DLEC1: variants seen among roughly 807,000 people sequenced by gnomAD.
DLEC1 encodes DLEC1 cilia and flagella associated protein.
DLEC1 carries 146 observed loss-of-function variants against 198.1 expected under a neutral mutation model. That is an observed-to-expected ratio of 0.74 (90% CI 0.64 to 0.85). The LOEUF is 0.85. Ranked by LOEUF, DLEC1 falls within the 40% of genes least tolerant of loss-of-function variation. DLEC1 has a pLI of 0.00. For missense variants in DLEC1, 2,233 were observed against 2,220.0 expected, an observed-to-expected ratio of 1.01 and a Z score of -0.12; for synonymous variants, 897 against 866.8, an observed-to-expected ratio of 1.03 and a Z score of -0.61.
At chr3:38,092,953 G>C in intron 11 of DLEC1, 73 bp downstream of exon 11, 2 of 1,367,982 alleles carry the variant, frequency 1.5e-6, no homozygotes, top group Non-Finnish European at 2.1e-6. Context: ...GACCACAGTA[G>C]CATTAGCGGC....
Position 38,122,795 on chromosome 3 carries a change from T to G in DLEC1, c.*383T>G. ...GCCTTAAGAATTAACCATGGCCTTGTGGCCTGGGTGACCCAGGCTGCTTTT... is the reference window on the plus strand; with the variant it reads ...GCCTTAAGAATTAACCATGGCCTTGGGGCCTGGGTGACCCAGGCTGCTTTT... On this transcript the variant is annotated 3_prime_UTR_variant, in exon 37 of 37. Transcript: ENST00000308059. 1.9e-6 allele frequency: 2 copies of G among 1,062,780 alleles called. No individual in the cohort carries two copies. Among genetic ancestry groups the G allele is most frequent in the Non-Finnish European group, 2.6e-6 (2 of 766,468 alleles). 65.8% of individuals were successfully genotyped at this position (1,062,780 alleles called of 1,614,324 possible).
chr3:38,054,729 A>C (rs557806688), intron 2 of DLEC1, among the ~76,000 whole-genome samples: 17 of 152,356 alleles, frequency 1.1e-4, no homozygotes, highest in African/African-American at 4.1e-4. Flanking sequence ...TAGTGAGAAC[A>C]TGCATGGTGG....
intron 2 of DLEC1, among the ~76,000 whole-genome samples, chr3:38,052,862 G>A (rs918299457): frequency 2.0e-5 from 3 of 151,892 alleles, no homozygotes; most frequent in African/African-American, 4.8e-5. Context: ...CTGTACTGCC[G>A]CCATCTCGGC....
intron 22 of DLEC1, chr3:38,109,894 C>T (rs187599129): frequency 6.0e-5 from 42 of 701,466 alleles, no homozygotes; most frequent in African/African-American, 5.9e-4. Flanking sequence ...TGGCCAGGGA[C>T]GGTTTGTGCA....
chr3:38,050,229 C>T (rs1445256830), intron 2 of DLEC1, among the ~76,000 whole-genome samples: 4 of 152,008 alleles, frequency 2.6e-5, no homozygotes, highest in Non-Finnish European at 5.9e-5. Context: ...CCACCACACC[C>T]GGCTAGTTTT....
intron 6 of DLEC1, among the ~76,000 whole-genome samples, chr3:38,080,112 T>C (rs1432551505): frequency 1.3e-5 from 2 of 152,234 alleles, no homozygotes; most frequent in African/African-American, 4.8e-5. Context: ...AAATGCTGTC[T>C]GATTTGGGAT....
At position 38,084,141 on chromosome 3, in the gene DLEC1, A is replaced by T; in HGVS notation, c.1174-17A>T. ...TAAGTGTTGCTGTCTAAAAGAGATC[A>T]TCTTACCTTTCAACAGATGGTAATT... On this transcript the variant is annotated splice_polypyrimidine_tract_variant and intron_variant, in intron 6 of 36. Transcript: ENST00000308059. 3.1e-6 allele frequency: 5 copies of T among 1,611,406 alleles called. No individual in the cohort carries two copies. The highest frequency in any genetic ancestry group is 4.2e-6 in the Non-Finnish European group (5 of 1,177,988).
rs145773322 is a variant in DLEC1 at position 38,063,706 on chromosome 3, C to G, written c.1095-135C>G. 222 of 615,762 alleles carry G rather than the reference C, an allele frequency of 3.6e-4. 1 individual carries two copies. The African/African-American group carries it at 3.6e-3, about 10-fold the overall frequency. 38.1% of individuals were successfully genotyped at this position (615,762 alleles called of 1,614,324 possible). Reference sequence around the variant, plus strand: ...GCATTAACAATAAGATCCAAAAACCCCCCAACAAATGGTATATTGTGAATA... The same window carrying G: ...GCATTAACAATAAGATCCAAAAACCGCCCAACAAATGGTATATTGTGAATA... On this transcript the variant is annotated intron_variant, in intron 5 of 36. Coordinates refer to ENST00000308059, the MANE Select transcript of DLEC1 (RefSeq NM_007335.4).
chr3:38,101,917 T>C (rs1699327708), intron 19 of DLEC1, among the ~76,000 whole-genome samples: 1 of 152,178 alleles, frequency 6.6e-6, no homozygotes, highest in Non-Finnish European at 1.5e-5. Context: ...CTGTTCTTTC[T>C]CCTGAAAGGA....
intron 6 of DLEC1, among the ~76,000 whole-genome samples, chr3:38,076,324 G>C (rs1459245616): frequency 6.6e-6 from 1 of 152,192 alleles, no homozygotes. Flanking sequence ...CACCAAACAG[G>C]CTTTGTGTGA....
In DLEC1 at chr3:38,087,073, C is replaced by CAA. The variant is rs1357870514; in HGVS notation, c.1572+711_1572+712dup. On this transcript the variant is annotated intron_variant, in intron 9 of 36. Coordinates refer to ENST00000308059, the MANE Select transcript of DLEC1 (RefSeq NM_007335.4). ...TGGGCGACAGAGTGAGACTCCATCT[C>CAA]AAAAAAAAAAAAAAAATGGAGATTT... Among the ~76,000 whole-genome samples, 714 of 94,822 alleles carry CAA rather than the reference C, an allele frequency of 7.5e-3. 3 individuals are homozygous for CAA. The highest frequency in any genetic ancestry group is 0.024 in the African/African-American group (673 of 27,474). The allele number at this position is 94,822 out of a possible 152,430, so 62.2% of individuals were successfully genotyped here. A position where few individuals can be genotyped will look rare whatever the true frequency, so the allele number is the denominator to read the frequency against.
intron 35 of DLEC1, 92 bp downstream of exon 35, chr3:38,121,873 G>T: frequency 6.5e-7 from 1 of 1,533,812 alleles, no homozygotes; most frequent in Non-Finnish European, 8.8e-7. Flanking sequence ...CGCCGTCCCT[G>T]CATGCTGGCT....
Position 38,062,803 on chromosome 3 carries a change from T to A in DLEC1, c.1094+2T>A. 6.2e-7 allele frequency: 1 copy of A among 1,612,860 alleles called. No homozygotes were observed. Among genetic ancestry groups the A allele is most frequent in the African/African-American group, 1.3e-5 (1 of 74,832 alleles). Reference sequence around the variant, plus strand: ...CCAGAGTACAGAGCCAGAACAGAGGTATGTCTTTCTCTGGCTTGAACTCTC... The same window carrying A: ...CCAGAGTACAGAGCCAGAACAGAGGAATGTCTTTCTCTGGCTTGAACTCTC... On this transcript the variant is annotated splice_donor_variant, in intron 5 of 36. Coordinates refer to ENST00000308059, the MANE Select transcript of DLEC1 (RefSeq NM_007335.4). LOFTEE classifies it high-confidence loss of function.
At chr3:38,089,604 TTCTC>T (rs1437100004) in intron 10 of DLEC1, among the ~76,000 whole-genome samples, 2 of 152,158 alleles carry the variant, frequency 1.3e-5, no homozygotes, top group Non-Finnish European at 2.9e-5. Flanking sequence ...ACAGGCCAGG[TTCTC>T]TGTTCTCTTG....
intron 11 of DLEC1, 126 bp downstream of exon 11, chr3:38,093,006 A>G: frequency 1.1e-6 from 1 of 885,394 alleles, no homozygotes; most frequent in Non-Finnish European, 1.8e-6. Flanking sequence ...CACATTAAGA[A>G]TGCTGCAGCC....
At chr3:38,056,590 G>A (rs547128161) in intron 2 of DLEC1, among the ~76,000 whole-genome samples, 2 of 152,276 alleles carry the variant, frequency 1.3e-5, no homozygotes, top group African/African-American at 2.4e-5. Flanking sequence ...GATTACAGGC[G>A]TGAGCCACCA....
At position 38,056,062 on chromosome 3, in the gene DLEC1, TACACACACAC is replaced by T. The variant is rs57610638; in HGVS notation, c.563-3634_563-3625del. ...GGTGAAATCTGATCTCTACAAAAAATACACACACACACACACACACACACACACACACACA... is the reference window on the plus strand; with the variant it reads ...GGTGAAATCTGATCTCTACAAAAAATACACACACACACACACACACACACA... On this transcript the variant is annotated intron_variant, in intron 2 of 36. Transcript: ENST00000308059. 8.9e-3 allele frequency among the ~76,000 whole-genome samples: 1,078 copies of T among 120,500 alleles called. 8 individuals carry two copies. The highest frequency in any genetic ancestry group is 0.015 in the African/African-American group (436 of 29,774). 79.1% of individuals were successfully genotyped at this position (120,500 alleles called of 152,430 possible).
intron 6 of DLEC1, among the ~76,000 whole-genome samples, chr3:38,078,787 G>A (rs185941565): frequency 8.7e-4 from 133 of 152,340 alleles, no homozygotes; most frequent in Non-Finnish European, 1.4e-3. Context: ...ATGGGTAGTA[G>A]AGGGAGGTAT....
At chr3:38,041,740 C>G (rs543458868) in intron 1 of DLEC1, among the ~76,000 whole-genome samples, 1 of 147,870 alleles carries the variant, frequency 6.8e-6, no homozygotes, top group East Asian at 2.1e-4. Context: ...CCCAGGTACT[C>G]GGGAGGCTGA....
Sources: allele counts gnomAD v4.1 joint callset (sites outside exome capture counted in the v4.1 genomes callset), GRCh38; gene constraint gnomAD v4.1.1; transcripts MANE v1.5; gene names NCBI Gene and HGNC (gene_info 2026-07-23, HGNC 2026-07-21).